The following ACSL6 variants were observed in gnomAD, a reference collection of about 807,000 sequenced individuals.
ACSL6 encodes the protein acyl-CoA synthetase long chain family member 6.
In ACSL6, 47 loss-of-function variants were observed where a neutral mutation model predicts 98.2. That is an observed-to-expected ratio of 0.48 (90% CI 0.38 to 0.61). ACSL6 has a LOEUF of 0.61. ACSL6 is among the 20% of genes least tolerant of loss of function. The probability of loss-of-function intolerance (pLI) is 0.00; values close to 1 mark genes in which losing one functional copy is unlikely to be tolerated. For synonymous variants in ACSL6, 362 were observed against 336.9 expected (o/e 1.07, Z -0.82); for missense variants, 761 against 913.4 (o/e 0.83, Z 2.15).
intron 1 of ACSL6, among the ~76,000 whole-genome samples, chr5:132,002,786 G>A (rs934945445): frequency 5.9e-5 from 9 of 152,186 alleles, no homozygotes; most frequent in African/African-American, 1.4e-4. Flanking sequence ...ACACAGTGGC[G>A]GGAAGGAGGC....
intron 9 of ACSL6, among the ~76,000 whole-genome samples, chr5:131,978,664 A>C (rs1753751054): frequency 6.6e-6 from 1 of 152,156 alleles, no homozygotes; most frequent in Admixed American, 6.5e-5. Flanking sequence ...CTTTTTATTA[A>C]CTGAGAGTGA....
chr5:131,968,456 T>A (rs548046684), intron 15 of ACSL6, among the ~76,000 whole-genome samples: 29 of 152,338 alleles, frequency 1.9e-4, no homozygotes, highest in Middle Eastern at 3.4e-3. Context: ...GCCACCAGAC[T>A]GTTGATTACT....
chr5:132,011,608 G>C lies in ACSL6; in HGVS notation c.-55C>G. On this transcript the variant is annotated 5_prime_UTR_variant, in exon 1 of 21. Coordinates refer to ENST00000651883, the MANE Select transcript of ACSL6 (RefSeq NM_001009185.3). This position sits in a 1 kb window ranked among gnomAD's most constrained non-coding sequence, Gnocchi z 5.4. ...CCCGGCCTCCCCGACCCGCAGCCCC[G>C]CAGCCCCGCAGCCCAGCAGCCCCAG... The C allele has an allele frequency of 7.2e-7, 1 of 1,389,344 alleles. No homozygotes were observed. Among genetic ancestry groups the C allele is most frequent in the South Asian group, 1.7e-5 (1 of 59,888 alleles). The allele number at this position is 1,389,344 out of a possible 1,614,324, so 86.1% of individuals were successfully genotyped here. A position where few individuals can be genotyped will look rare whatever the true frequency, so the allele number is the denominator to read the frequency against.
In ACSL6 at chr5:131,952,432, T is replaced by G. The variant is rs756344424; in HGVS notation, c.*1802A>C. 1.6e-4 allele frequency: 33 copies of G among 212,008 alleles called. No homozygotes were observed. Among genetic ancestry groups the G allele is most frequent in the Admixed American group, 2.9e-4 (5 of 17,022 alleles). 13.1% of individuals were successfully genotyped at this position (212,008 alleles called of 1,614,324 possible). ...GATGCATATTTATTCAGTAGGCCCA[T>G]GTGATTATGTGGTTTTTAACTAACA... On this transcript the variant is annotated 3_prime_UTR_variant, in exon 21 of 21. Transcript: ENST00000651883.
chr5:131,977,846 T>C (rs1753699654), intron 9 of ACSL6, among the ~76,000 whole-genome samples: 2 of 151,992 alleles, frequency 1.3e-5, no homozygotes, highest in Non-Finnish European at 2.9e-5. Flanking sequence ...CTATGTGAAA[T>C]TTGCCTCAAT....
chr5:131,963,282 G>A (rs1752832343), intron 17 of ACSL6, among the ~76,000 whole-genome samples: 2 of 152,100 alleles, frequency 1.3e-5, no homozygotes, highest in African/African-American at 4.8e-5. Flanking sequence ...GAGTGCTGAT[G>A]CCACTGGCCT....
chr5:131,955,131 G>C (rs1488597134), intron 20 of ACSL6, among the ~76,000 whole-genome samples: 1 of 152,094 alleles, frequency 6.6e-6, no homozygotes, highest in African/African-American at 2.4e-5. Flanking sequence ...TTGTTTTTGA[G>C]GGTATTTCTA....
rs1187186934 is a variant in ACSL6, at chr5:131,986,827, G to A, written c.859C>T (p.Pro287Ser). ...EDCGQENHQAPVPPQPDDLSI... is the reference protein window; with the variant it reads ...EDCGQENHQASVPPQPDDLSI... ...CTGCAGGTGAATTCGCTTACCACAGGAGCCTGGTGATTCTCTTGGCCACAG... is the reference window on the plus strand; with the variant it reads ...CTGCAGGTGAATTCGCTTACCACAGAAGCCTGGTGATTCTCTTGGCCACAG... Residue 287 changes from proline to serine, a missense_variant, in exon 8 of 21, where the codon CCT becomes TCT. Coordinates refer to ENST00000651883, the MANE Select transcript of ACSL6 (RefSeq NM_001009185.3). 4.3e-6 allele frequency: 7 copies of A among 1,614,184 alleles called. No homozygotes were observed. The highest frequency in any genetic ancestry group is 5.9e-6 in the Non-Finnish European group (7 of 1,180,044).
At chr5:131,971,459 G>C (rs189067458) in intron 14 of ACSL6, 91 bp downstream of exon 14, 1 of 1,052,798 alleles carries the variant, frequency 9.5e-7, no homozygotes, top group Non-Finnish European at 1.3e-6. Context: ...CTTGTCCCCC[G>C]GTTCTTTCTC....
chr5:132,011,996 C>T, upstream of ACSL6: 1 of 1,491,394 alleles, frequency 6.7e-7, no homozygotes, highest in East Asian at 2.7e-5. This position sits in a 1 kb window ranked among gnomAD's most constrained non-coding sequence, Gnocchi z 5.4. Flanking sequence ...CCCGCCGCCA[C>T]CCACCCCATC....
In ACSL6 at chr5:131,960,421, G is replaced by A. The variant is rs571321636; in HGVS notation, c.1959+99C>T. On this transcript the variant is annotated intron_variant, in intron 19 of 20. Coordinates refer to ENST00000651883, the MANE Select transcript of ACSL6 (RefSeq NM_001009185.3). Reference sequence around the variant, plus strand: ...TAAAGTAATGTTAGAAATTTCGTACGAGCTCGAATTTCACTGGTCTACAAC... The same window carrying A: ...TAAAGTAATGTTAGAAATTTCGTACAAGCTCGAATTTCACTGGTCTACAAC... The A allele has an allele frequency of 8.8e-5, 79 of 894,332 alleles. No homozygotes were observed. The Admixed American group carries it at 1.5e-3, about 17-fold the overall frequency. The allele number at this position is 894,332 out of a possible 1,614,324, so 55.4% of individuals were successfully genotyped here.
At chr5:131,994,284 A>C (rs572840474) in intron 1 of ACSL6, 33 bp from the exon 2 acceptor site, 4 of 1,565,614 alleles carry the variant, frequency 2.6e-6, no homozygotes, top group Admixed American at 3.7e-5. Context: ...AAGGCAAGAG[A>C]CCTGACGGGC....
chr5:131,971,393 T>C (rs1444014411), intron 14 of ACSL6, among the ~76,000 whole-genome samples, 157 bp downstream of exon 14: 1 of 152,210 alleles, frequency 6.6e-6, no homozygotes, highest in Non-Finnish European at 1.5e-5. Flanking sequence ...ATCCTGGCTT[T>C]CACTGGCTCT....
chr5:131,955,060 T>A (rs1273332792), intron 20 of ACSL6, among the ~76,000 whole-genome samples: 6 of 152,200 alleles, frequency 3.9e-5, no homozygotes, highest in Non-Finnish European at 8.8e-5. Flanking sequence ...GGTTTTTAGT[T>A]AGGGCAATGG....
Position 131,994,172 on chromosome 5 carries a change from C to G in ACSL6, c.129G>C (p.Leu43Phe), listed in dbSNP as rs2126918838. 6.2e-7 allele frequency: 1 copy of G among 1,614,204 alleles called. No individual in the cohort carries two copies. Among genetic ancestry groups the G allele is most frequent in the South Asian group, 1.1e-5 (1 of 91,078 alleles). ...RILRLPELGDLGQFFRSLSAT... is the reference protein window; with the variant it reads ...RILRLPELGDFGQFFRSLSAT... ...CCGAGAGGCTGCGGAAAAACTGTCCCAAGTCACCTAGCTCAGGCAGTCGCA... is the reference window on the plus strand; with the variant it reads ...CCGAGAGGCTGCGGAAAAACTGTCCGAAGTCACCTAGCTCAGGCAGTCGCA... Residue 43 changes from leucine (L) to phenylalanine (F), a missense_variant, in exon 2 of 21, where the codon TTG becomes TTC. Leu to Phe is a conservative substitution (Grantham distance 22). Transcript: ENST00000651883.
At chr5:131,999,661 G>A (rs1286425870) in intron 1 of ACSL6, 1 of 152,318 alleles carries the variant, frequency 6.6e-6, no homozygotes, top group African/African-American at 2.4e-5. Flanking sequence ...GGTGGCTGTG[G>A]GAGCAGGTCT....
In ACSL6 at chr5:131,952,765, A is replaced by T. The variant is rs1261762469; in HGVS notation, c.*1469T>A. On this transcript the variant is annotated 3_prime_UTR_variant, in exon 21 of 21. Coordinates refer to ENST00000651883, the MANE Select transcript of ACSL6 (RefSeq NM_001009185.3). ...CAAGAAAGGAGGTTTTAGTGGTTAA[A>T]CTTCGGCACGCTTAAAGATTTTAGG... The T allele has an allele frequency of 4.6e-6, 1 of 218,656 alleles. No individual in the cohort carries two copies. Among genetic ancestry groups the T allele is most frequent in the East Asian group, 6.8e-5 (1 of 14,698 alleles). 13.5% of individuals were successfully genotyped at this position (218,656 alleles called of 1,614,324 possible). A position where few individuals can be genotyped will look rare whatever the true frequency, so the allele number is the denominator to read the frequency against.
intron 1 of ACSL6, among the ~76,000 whole-genome samples, chr5:131,995,545 G>C (rs759772560): frequency 1.3e-5 from 2 of 152,190 alleles, no homozygotes; most frequent in Non-Finnish European, 2.9e-5. Flanking sequence ...GCATGGCTGT[G>C]CTTCCAAGAA....
intron 17 of ACSL6, 39 bp from the exon 18 acceptor site, chr5:131,962,717 C>T: frequency 6.2e-7 from 1 of 1,608,760 alleles, no homozygotes. Context: ...GAACATGGCA[C>T]TCTCAAGCCT....
Sources: gnomAD v4.1 joint callset for allele counts (sites outside exome capture counted in the v4.1 genomes callset) on GRCh38, gnomAD v4.1.1 for gene constraint, Gnocchi (gnomAD v3.1) non-coding constraint, MANE v1.5 for transcripts, NCBI Gene and HGNC (gene_info 2026-07-23, HGNC 2026-07-21) for gene names.